The following SNRPA variants were observed in gnomAD, a reference collection of about 807,000 sequenced individuals.
SNRPA encodes the protein small nuclear ribonucleoprotein polypeptide A, also known as U1 small nuclear ribonucleoprotein A.
SNRPA carries 10 observed loss-of-function variants against 24.5 expected under a neutral mutation model. That is an observed-to-expected ratio of 0.41 (90% confidence interval 0.25 to 0.69). The LOEUF (loss-of-function observed/expected upper bound fraction) is 0.69, where lower values mean the gene tolerates loss of function less well. Ranked by LOEUF, SNRPA falls within the 30% of genes least tolerant of loss-of-function variation. The probability of loss-of-function intolerance (pLI) is 0.33; values close to 1 mark genes in which losing one functional copy is unlikely to be tolerated. For missense variants in SNRPA, 283 were observed against 394.7 expected (o/e 0.72, Z 2.40); for synonymous variants, 165 against 148.4 (o/e 1.11, Z -0.81).
intron 2 of SNRPA, 106 bp from the exon 3 acceptor site, chr19:40,759,325 C>G (rs1053326470): frequency 1.5e-5 from 16 of 1,090,910 alleles, no homozygotes; most frequent in Non-Finnish European, 2.1e-5. Context: ...GCTGGGATTA[C>G]AGGCATGAGC....
chr19:40,762,810 T>C, intron 3 of SNRPA, 91 bp from the exon 4 acceptor site: 1 of 1,384,068 alleles, frequency 7.2e-7, no homozygotes, highest in Middle Eastern at 2.5e-4. Context: ...TGTTTTTCCT[T>C]ACATCTCTCA....
At chr19:40,757,591 G>A (rs373915488) in intron 2 of SNRPA, 87 bp downstream of exon 2, 58 of 1,270,504 alleles carry the variant, frequency 4.6e-5, no homozygotes, top group African/African-American at 7.6e-5. Context: ...GGGATATTAC[G>A]GTTCATTTGC....
rs375861578 is a variant in SNRPA at position 40,755,054 on chromosome 19, A to G, written c.74-2278A>G. Among the ~76,000 whole-genome samples, 99 of 150,758 alleles carry G rather than the reference A, an allele frequency of 6.6e-4. No individual in the cohort carries two copies. In the South Asian group the frequency reaches 0.018, roughly 28 times the overall value. ...TTGCTTCTTTCCTAGCCTGGTATCT[A>G]TTTTACAAGTGGCTTCTGCTTCAGC... On this transcript the variant is annotated intron_variant, in intron 1 of 5. Coordinates refer to ENST00000243563, the MANE Select transcript of SNRPA (RefSeq NM_004596.5).
At chr19:40,753,326 G>A (rs2082891944) in intron 1 of SNRPA, among the ~76,000 whole-genome samples, 1 of 142,954 alleles carries the variant, frequency 7.0e-6, no homozygotes, top group African/African-American at 2.6e-5. Context: ...CTGTACTCCA[G>A]CCTGGGTGAT....
Position 40,765,175 on chromosome 19 carries a change from T to TC in SNRPA, c.*14dup. 1.3e-6 allele frequency: 2 copies of TC among 1,517,006 alleles called. No individual in the cohort carries two copies. Among genetic ancestry groups the TC allele is most frequent in the Non-Finnish European group, 1.8e-6 (2 of 1,129,124 alleles). 94.0% of individuals were successfully genotyped at this position (1,517,006 alleles called of 1,614,324 possible). ...TCCTTTGCCAAGAAGTAGCACCTTTTCCCCCCATGCCTGCCCCTTCCCCTG... is the reference window on the plus strand; with the variant it reads ...TCCTTTGCCAAGAAGTAGCACCTTTTCCCCCCCATGCCTGCCCCTTCCCCTG... On this transcript the variant is annotated 3_prime_UTR_variant, in exon 6 of 6. Coordinates refer to ENST00000243563, the MANE Select transcript of SNRPA (RefSeq NM_004596.5).
Position 40,757,345 on chromosome 19 carries a change from C to T in SNRPA, c.87C>T (p.Ser29=). The T allele has an allele frequency of 1.2e-6, 2 of 1,614,020 alleles. No individual in the cohort carries two copies. The highest frequency in any genetic ancestry group is 1.7e-6 in the Non-Finnish European group (2 of 1,179,988). ...CCCCCACTGCAGAGCTAAAAAAGTC[C>T]CTGTACGCCATCTTCTCCCAGTTTG... is the stretch of plus-strand genomic sequence containing the variant. The part of the protein sequence containing the change: ...EKIKKDELKK[S]LYAIFSQFGQ... The change falls in exon 2 of 6, where the codon TCC becomes TCT. Residue 29 remains serine (S), a synonymous_variant. Transcript: ENST00000243563.
At position 40,763,019 on chromosome 19, in the gene SNRPA, C is replaced by T; in HGVS notation, c.545C>T (p.Pro182Leu). Residue 182 changes from proline to leucine, a missense_variant, in exon 4 of 6, where the codon CCA (proline) becomes CTA (leucine). Transcript: ENST00000243563. ...GGCCTTGCACCTGGCCAGATCCCAC[C>T]AGGGGCCATGCCCCCGCAGCAGCTT... ...PPGLAPGQIP[P>L]GAMPPQQLMP... is the part of the protein sequence containing the mutation. 6.2e-7 allele frequency: 1 copy of T among 1,609,298 alleles called. No homozygotes were observed. Among genetic ancestry groups the T allele is most frequent in the African/African-American group, 1.3e-5 (1 of 74,968 alleles).
chr19:40,752,244 G>A (rs996394593), intron 1 of SNRPA, among the ~76,000 whole-genome samples: 1 of 152,044 alleles, frequency 6.6e-6, no homozygotes, highest in Admixed American at 6.6e-5. Context: ...GGCTGAGGCA[G>A]GAGAATTGCT....
intron 3 of SNRPA, 173 bp downstream of exon 3, chr19:40,759,783 A>G (rs2082924099): frequency 3.6e-6 from 2 of 555,426 alleles, no homozygotes; most frequent in East Asian, 3.2e-5. Flanking sequence ...GAGCACCTAG[A>G]TGATGCTATC....
chr19:40,755,087 T>G (rs1316936568), intron 1 of SNRPA, among the ~76,000 whole-genome samples: 2 of 151,904 alleles, frequency 1.3e-5, no homozygotes, highest in African/African-American at 2.4e-5. Flanking sequence ...AGCTTAGCTT[T>G]TTTTTTTGAG....
intron 2 of SNRPA, among the ~76,000 whole-genome samples, chr19:40,758,379 A>G (rs1285451000): frequency 1.3e-5 from 2 of 152,160 alleles, no homozygotes; most frequent in African/African-American, 4.8e-5. Context: ...GGCATCTGGC[A>G]GGTTCTCCTT....
Position 40,763,328 on chromosome 19 carries a change from T to G in SNRPA, c.600+254T>G, listed in dbSNP as rs114848314. On this transcript the variant is annotated intron_variant, in intron 4 of 5. Coordinates refer to ENST00000243563, the MANE Select transcript of SNRPA (RefSeq NM_004596.5). ...TTGATTCCATGAGCTATTGAGCGCC[T>G]CCTTACGTGCCAGGCCCCGTTCTGC... is the stretch of plus-strand genomic sequence containing the variant. The G allele has an allele frequency of 4.7e-3, 2,816 of 594,446 alleles. 48 individuals carry two copies. The highest frequency in any genetic ancestry group is 0.046 in the African/African-American group (2,476 of 53,818). The allele number at this position is 594,446 out of a possible 1,614,324, so 36.8% of individuals were successfully genotyped here.
rs560808287 is a variant in SNRPA, at chr19:40,751,591, TTAACTCC to T, written c.73+112_73+118del. On this transcript the variant is annotated intron_variant, in intron 1 of 5. Transcript: ENST00000243563. Reference sequence around the variant, plus strand: ...AGTGTTTGTCCAGCCAAACTTCGAGTTAACTCCTTGGCCTTTACACAAACTACTTCCT... The same window carrying T: ...AGTGTTTGTCCAGCCAAACTTCGAGTTTGGCCTTTACACAAACTACTTCCT... 1.1e-3 allele frequency: 889 copies of T among 833,948 alleles called. 11 individuals are homozygous for T. The East Asian group carries it at 0.02, about 19-fold the overall frequency. 51.7% of individuals were successfully genotyped at this position (833,948 alleles called of 1,614,324 possible). A position where few individuals can be genotyped will look rare whatever the true frequency, so the allele number is the denominator to read the frequency against.
rs1311667130 is a variant in SNRPA at position 40,765,187 on chromosome 19, T to TGCCCGTTCCCCTGTTCTGGGGCC, written c.*24_*25insGTTCCCCTGTTCTGGGGCCGCCC. 2 of 1,498,718 alleles carry TGCCCGTTCCCCTGTTCTGGGGCC rather than the reference T, an allele frequency of 1.3e-6. No individual in the cohort carries two copies. Among genetic ancestry groups the TGCCCGTTCCCCTGTTCTGGGGCC allele is most frequent in the Non-Finnish European group, 1.8e-6 (2 of 1,119,418 alleles). The allele number at this position is 1,498,718 out of a possible 1,614,324, so 92.8% of individuals were successfully genotyped here. ...AAGTAGCACCTTTTCCCCCCATGCCTGCCCCTTCCCCTGTTCTGGGGCCAC... is the reference window on the plus strand; with the variant it reads ...AAGTAGCACCTTTTCCCCCCATGCCTGCCCGTTCCCCTGTTCTGGGGCCGCCCCTTCCCCTGTTCTGGGGCCAC... On this transcript the variant is annotated 3_prime_UTR_variant, in exon 6 of 6. Coordinates refer to ENST00000243563, the MANE Select transcript of SNRPA (RefSeq NM_004596.5).
intron 3 of SNRPA, among the ~76,000 whole-genome samples, chr19:40,760,282 T>C (rs917132374): frequency 6.6e-6 from 1 of 152,134 alleles, no homozygotes; most frequent in Admixed American, 6.6e-5. Flanking sequence ...TAGGATTACA[T>C]GCATGAGCCA....
chr19:40,762,986 C>T lies in SNRPA; in HGVS notation c.512C>T (p.Pro171Leu). The T allele has an allele frequency of 6.2e-7, 1 of 1,611,982 alleles. No homozygotes were observed. Among genetic ancestry groups the T allele is most frequent in the Non-Finnish European group, 8.5e-7 (1 of 1,178,536 alleles). The change falls in exon 4 of 6, where the codon CCC becomes CTC. Residue 171 changes from proline to leucine, a missense_variant. Around this residue, in one of 6 missense-constraint regions of SNRPA, gnomAD observed 167 missense variants for 174.3 expected, o/e 0.96. Coordinates refer to ENST00000243563, the MANE Select transcript of SNRPA (RefSeq NM_004596.5). The part of the protein sequence containing the change: ...PPYMPPPGMI[P>L]PPGLAPGQIP... ...TACATGCCGCCCCCTGGTATGATCC[C>T]CCCGCCAGGCCTTGCACCTGGCCAG...
At position 40,763,645 on chromosome 19, in the gene SNRPA, A is replaced by G. The variant is rs1321421699; in HGVS notation, c.659A>G (p.Asn220Ser). 1.2e-6 allele frequency: 2 copies of G among 1,614,098 alleles called. No homozygotes were observed. The highest frequency in any genetic ancestry group is 2.7e-5 in the African/African-American group (2 of 75,032). ...CTCACCAACCTGCCAGAGGAGACCA[A>G]CGAGCTCATGCTGTCCATGCTTTTC... is the stretch of plus-strand genomic sequence containing the variant. ...LFLTNLPEET[N>S]ELMLSMLFNQ... The change falls in exon 5 of 6, where the codon AAC (asparagine) becomes AGC (serine). Residue 220 changes from asparagine (N) to serine (S), a missense_variant. Around this residue, in one of 6 missense-constraint regions of SNRPA, gnomAD observed 51 missense variants for 110.3 expected, o/e 0.46. Transcript: ENST00000243563.
At chr19:40,757,590 C>T (rs1319304464) in intron 2 of SNRPA, 86 bp downstream of exon 2, 18 of 1,284,952 alleles carry the variant, frequency 1.4e-5, no homozygotes, top group Middle Eastern at 2.7e-4. Context: ...GGGGATATTA[C>T]GGTTCATTTG....
Position 40,759,545 on chromosome 19 carries a change from A to G in SNRPA, c.361A>G (p.Thr121Ala), listed in dbSNP as rs1316192455. The change falls in exon 3 of 6, where the codon ACC becomes GCC. Residue 121 changes from threonine (T) to alanine (A), a missense_variant. Transcript: ENST00000243563. ...GCCCAAGAGCCAGGAGACCCCGGCC[A>G]CCAAGAAGGCTGTGCAAGGCGGGGG... ...RKPKSQETPA[T>A]KKAVQGGGAT... The G allele has an allele frequency of 6.2e-7, 1 of 1,613,910 alleles. No individual in the cohort carries two copies. Among genetic ancestry groups the G allele is most frequent in the East Asian group, 2.2e-5 (1 of 44,870 alleles).
Sources: allele counts gnomAD v4.1 joint callset (sites outside exome capture counted in the v4.1 genomes callset), GRCh38; gene constraint gnomAD v4.1.1; regional missense constraint gnomAD v4.1.1; transcripts MANE v1.5; gene names NCBI Gene and HGNC (gene_info 2026-07-23, HGNC 2026-07-21).